The following RARB variants were observed in gnomAD, a reference collection of about 807,000 sequenced individuals.
RARB encodes the protein retinoic acid receptor beta.
RARB carries 17 observed loss-of-function variants against 51.9 expected under a neutral mutation model. The observed-to-expected ratio is 0.33, with a 90% confidence interval of 0.22 to 0.49. The LOEUF is 0.49. Ranked by LOEUF, RARB falls within the 20% of genes least tolerant of loss-of-function variation. RARB has a pLI of 0.99. For missense variants in RARB, 369 were observed against 550.8 expected, an observed-to-expected ratio of 0.67 and a Z score of 3.30; for synonymous variants, 215 against 195.4, an observed-to-expected ratio of 1.10 and a Z score of -0.84.
At chr3:25,469,053 C>A (rs1433411274) in intron 2 of RARB, among the ~76,000 whole-genome samples, 1 of 152,188 alleles carries the variant, frequency 6.6e-6, no homozygotes, top group African/African-American at 2.4e-5. Context: ...GTTTAAACTC[C>A]ACTAGCCCCC....
chr3:25,004,458 G>A (rs988975963), intron 2 of RARB, among the ~76,000 whole-genome samples: 1 of 152,096 alleles, frequency 6.6e-6, no homozygotes, highest in African/African-American at 2.4e-5. Context: ...TCACATGGTG[G>A]AAGGGCAGAG....
intron 2 of RARB, among the ~76,000 whole-genome samples, chr3:25,472,132 A>G (rs1412673945): frequency 6.6e-6 from 1 of 152,248 alleles, no homozygotes; most frequent in African/African-American, 2.4e-5. Flanking sequence ...TAGCTGAAGT[A>G]AAAGTAAACC....
chr3:25,354,211 A>G (rs932306789), intron 5 of RARB, among the ~76,000 whole-genome samples: 1 of 152,144 alleles, frequency 6.6e-6, no homozygotes, highest in Non-Finnish European at 1.5e-5. Context: ...AGACAAGTCT[A>G]TAATGTGACT....
At chr3:25,335,152 C>CAT (rs1705027776) in intron 5 of RARB, among the ~76,000 whole-genome samples, 1 of 152,122 alleles carries the variant, frequency 6.6e-6, no homozygotes, top group Non-Finnish European at 1.5e-5. Flanking sequence ...ATAGCACAAG[C>CAT]ATACTGTATA....
chr3:25,208,469 T>C (rs969236269), intron 5 of RARB, among the ~76,000 whole-genome samples: 17 of 152,322 alleles, frequency 1.1e-4, no homozygotes, highest in Admixed American at 6.5e-4. Context: ...TGCGTTTCTT[T>C]GCTATATTTA....
intron 2 of RARB, among the ~76,000 whole-genome samples, chr3:24,908,033 A>G (rs577050004): frequency 6.6e-6 from 1 of 152,134 alleles, no homozygotes; most frequent in Non-Finnish European, 1.5e-5. Flanking sequence ...TCAACATCCC[A>G]GAGACGCTCA....
intron 2 of RARB, among the ~76,000 whole-genome samples, chr3:25,032,020 A>G (rs1299225877): frequency 6.6e-6 from 1 of 151,924 alleles, no homozygotes; most frequent in African/African-American, 2.4e-5. Context: ...CAGGAGAAGG[A>G]ATTTTTTTTC....
At chr3:25,406,316 A>T in intron 5 of RARB, among the ~76,000 whole-genome samples, 1 of 152,222 alleles carries the variant, frequency 6.6e-6, no homozygotes, top group Non-Finnish European at 1.5e-5. Flanking sequence ...AACCTCCATC[A>T]GGGATTGTAT....
At chr3:24,906,844 CAA>C (rs397875286) in intron 2 of RARB, among the ~76,000 whole-genome samples, 18,775 of 75,088 alleles carry the variant, frequency 0.25, 802 homozygotes, top group African/African-American at 0.34. Flanking sequence ...GATTCCGTCT[CAA>C]AAAAAAAAAA....
intron 3 of RARB, among the ~76,000 whole-genome samples, chr3:25,107,618 C>T (rs1699531341): frequency 6.6e-6 from 1 of 152,082 alleles, no homozygotes; most frequent in African/African-American, 2.4e-5. Flanking sequence ...GTACTGAACC[C>T]TATAAATACT....
intron 2 of RARB, among the ~76,000 whole-genome samples, chr3:25,491,138 G>A (rs1194867031): frequency 6.6e-6 from 1 of 152,106 alleles, no homozygotes; most frequent in African/African-American, 2.4e-5. Flanking sequence ...AGTGGTCAGA[G>A]ACACCTAGGG....
chr3:25,539,445 C>G (rs1476371231), intron 3 of RARB, among the ~76,000 whole-genome samples: 1 of 148,558 alleles, frequency 6.7e-6, no homozygotes, highest in Non-Finnish European at 1.5e-5. Flanking sequence ...CCAAACATCT[C>G]TAACTGTTTC....
intron 2 of RARB, among the ~76,000 whole-genome samples, chr3:24,912,071 G>T (rs181357029): frequency 6.6e-6 from 1 of 152,138 alleles, no homozygotes; most frequent in African/African-American, 2.4e-5. Context: ...GCACATGGTC[G>T]CTAAACAAAT....
chr3:25,249,051 C>A (rs984956126), intron 5 of RARB, among the ~76,000 whole-genome samples: 7 of 152,028 alleles, frequency 4.6e-5, no homozygotes, highest in African/African-American at 1.7e-4. Context: ...TTCTCTTTGC[C>A]TGATGGGACA....
chr3:24,857,895 C>T (rs1057327495), intron 1 of RARB, among the ~76,000 whole-genome samples: 3 of 152,170 alleles, frequency 2.0e-5, no homozygotes, highest in Non-Finnish European at 2.9e-5. Context: ...CACTGCACTC[C>T]AGCTTGAGCA....
intron 5 of RARB, among the ~76,000 whole-genome samples, chr3:25,420,605 A>G (rs1013823528): frequency 6.6e-6 from 1 of 152,216 alleles, no homozygotes; most frequent in Non-Finnish European, 1.5e-5. Context: ...ATGATCTGAG[A>G]AGTTTTACTT....
At chr3:25,152,039 A>C (rs939605464) in intron 4 of RARB, among the ~76,000 whole-genome samples, 12 of 152,224 alleles carry the variant, frequency 7.9e-5, no homozygotes, top group Non-Finnish European at 1.8e-4. Context: ...TAAGTACTTA[A>C]AAATTCAGCA....
chr3:25,381,729 C>A (rs972488259), intron 5 of RARB, among the ~76,000 whole-genome samples: 1 of 152,176 alleles, frequency 6.6e-6, no homozygotes, highest in Admixed American at 6.5e-5. Context: ...ATCAGCATTA[C>A]CTGGGAATCT....
chr3:25,442,199 T>A (rs59704791), intron 1 of RARB, among the ~76,000 whole-genome samples: 63,776 of 151,782 alleles, frequency 0.42, 14,261 homozygotes, highest in Middle Eastern at 0.65. Flanking sequence ...GCAGTGGTGC[T>A]ATCTCGGCTC....
Sources: allele counts gnomAD v4.1 joint callset (sites outside exome capture counted in the v4.1 genomes callset), GRCh38; gene constraint gnomAD v4.1.1; transcripts MANE v1.5; gene names NCBI Gene and HGNC (gene_info 2026-07-23, HGNC 2026-07-21).